The following CORO1C variants were observed in gnomAD, a reference collection of about 807,000 sequenced individuals.
The protein encoded by CORO1C is coronin-1C.
A neutral mutation model predicts 51.2 loss-of-function variants in CORO1C; 14 were observed. That is an observed-to-expected ratio of 0.27 (90% CI 0.18 to 0.43). The LOEUF is 0.43. Ranked by LOEUF, CORO1C falls within the 20% of genes least tolerant of loss-of-function variation. CORO1C has a pLI of 1.00. For synonymous variants in CORO1C, 181 were observed against 210.5 expected (o/e 0.86, Z 1.21); for missense variants, 417 against 607.8 (o/e 0.69, Z 3.30).
At chr12:108,677,710 AC>A (rs2033957001) in intron 3 of CORO1C, among the ~76,000 whole-genome samples, 1 of 152,234 alleles carries the variant, frequency 6.6e-6, no homozygotes, top group Non-Finnish European at 1.5e-5. Context: ...CCAACAGAGA[AC>A]ATGTCAACTG....
chr12:108,664,969 A>T (rs1460842936), intron 3 of CORO1C, among the ~76,000 whole-genome samples: 1 of 152,220 alleles, frequency 6.6e-6, no homozygotes. Flanking sequence ...TAGAACTGAC[A>T]GAGTGGTAAT....
At chr12:108,661,596 G>GA (rs144298863) in intron 4 of CORO1C, among the ~76,000 whole-genome samples, 8,385 of 152,138 alleles carry the variant, frequency 0.055, 637 homozygotes, top group East Asian at 0.25. Flanking sequence ...TATAGCAGGG[G>GA]AAAATCAAAG....
intron 2 of CORO1C, among the ~76,000 whole-genome samples, chr12:108,693,999 A>C (rs2034584542): frequency 6.6e-6 from 1 of 152,244 alleles, no homozygotes; most frequent in Non-Finnish European, 1.5e-5. Flanking sequence ...GAAGCTTCTT[A>C]AAAGCAAGAA....
rs144241661 is a variant in CORO1C, at chr12:108,715,139, C to T, written c.-5-13816G>A. Among the ~76,000 whole-genome samples the T allele has an allele frequency of 6.4e-3, 967 of 152,174 alleles. 6 individuals carry two copies. Among genetic ancestry groups the T allele is most frequent in the Non-Finnish European group, 1.0e-2 (679 of 67,990 alleles). On this transcript the variant is annotated intron_variant, in intron 1 of 10. Transcript: ENST00000261401. ...ATCCCAGCACTTTGGGAGGCTGAAGCAGGAAGATCCCTTGAGCCCAGGAGT... is the reference window on the plus strand; with the variant it reads ...ATCCCAGCACTTTGGGAGGCTGAAGTAGGAAGATCCCTTGAGCCCAGGAGT...
chr12:108,650,113 G>A (rs769937619), intron 8 of CORO1C, among the ~76,000 whole-genome samples: 1 of 150,618 alleles, frequency 6.6e-6, no homozygotes, highest in African/African-American at 2.4e-5. Flanking sequence ...TAAAAGGAAG[G>A]TTGTGTCAAA....
At chr12:108,680,316 C>CA (rs758591026) in intron 2 of CORO1C, among the ~76,000 whole-genome samples, 1 of 152,326 alleles carries the variant, frequency 6.6e-6, no homozygotes, top group East Asian at 1.9e-4. Flanking sequence ...GCCCTGTTTA[C>CA]AGACCTAAGG....
At chr12:108,715,377 A>T (rs1213121466) in intron 1 of CORO1C, among the ~76,000 whole-genome samples, 1 of 152,196 alleles carries the variant, frequency 6.6e-6, no homozygotes, top group Non-Finnish European at 1.5e-5. Flanking sequence ...GAAATTTTGC[A>T]GTTACTAAAA....
In CORO1C at chr12:108,654,907, T is replaced by C. The variant is rs189696329; in HGVS notation, c.751-497A>G. Among the ~76,000 whole-genome samples, 346 of 152,238 alleles carry C rather than the reference T, an allele frequency of 2.3e-3. 2 individuals are homozygous for C. The highest frequency in any genetic ancestry group is 7.8e-3 in the African/African-American group (322 of 41,544). On this transcript the variant is annotated intron_variant, in intron 6 of 10. Transcript: ENST00000261401. ...TTTTAGTAGACACAGAGTTTCACCA[T>C]GTTGGCCAGGCTGGTCTCCAACTCC...
At chr12:108,689,060 C>T (rs1240508512) in intron 2 of CORO1C, among the ~76,000 whole-genome samples, 1 of 140,318 alleles carries the variant, frequency 7.1e-6, no homozygotes, top group African/African-American at 2.7e-5. Context: ...ATTAGCCGGG[C>T]ATGGTGTTGG....
At chr12:108,673,178 A>G (rs2136826295) in intron 3 of CORO1C, among the ~76,000 whole-genome samples, 1 of 152,380 alleles carries the variant, frequency 6.6e-6, no homozygotes, top group East Asian at 1.9e-4. Flanking sequence ...TTGTGAATGC[A>G]AAAGAAAAGT....
chr12:108,714,837 C>T (rs545088515), intron 1 of CORO1C, among the ~76,000 whole-genome samples: 71 of 152,238 alleles, frequency 4.7e-4, no homozygotes, highest in African/African-American at 1.7e-3. Context: ...GAAGAGCACT[C>T]GTATATTTAC....
intron 6 of CORO1C, among the ~76,000 whole-genome samples, chr12:108,656,315 C>T (rs559758611): frequency 0.02 from 887 of 44,646 alleles, 7 homozygotes; most frequent in Non-Finnish European, 0.02. Flanking sequence ...CCCGGCCAGC[C>T]GCCCCGTCCG....
rs552377923 is a variant in CORO1C, at chr12:108,726,371, A to T, written c.-6+5058T>A. ...GAGGCAGAGCTTGCAGTGAGCTGAG[A>T]TCGTGCCACTGCACTCCAGCACTCT... On this transcript the variant is annotated intron_variant, in intron 1 of 10. Coordinates refer to ENST00000261401, the MANE Select transcript of CORO1C (RefSeq NM_014325.4). Among the ~76,000 whole-genome samples the T allele has an allele frequency of 2.6e-5, 4 of 151,320 alleles. No homozygotes were observed. In the South Asian group the frequency reaches 8.4e-4, roughly 32 times the overall value.
intron 2 of CORO1C, among the ~76,000 whole-genome samples, chr12:108,684,868 A>T (rs2034243562): frequency 6.6e-6 from 1 of 152,166 alleles, no homozygotes; most frequent in Admixed American, 6.5e-5. Context: ...TTAAATTTGC[A>T]TTAAAATTTT....
intron 1 of CORO1C, among the ~76,000 whole-genome samples, chr12:108,721,794 C>T (rs1017001606): frequency 6.6e-6 from 1 of 151,964 alleles, no homozygotes; most frequent in Non-Finnish European, 1.5e-5. Flanking sequence ...CAGCTCTGGC[C>T]ATTATAAGAT....
intron 1 of CORO1C, among the ~76,000 whole-genome samples, chr12:108,725,419 CT>C (rs1257374156): frequency 6.6e-6 from 1 of 152,174 alleles, no homozygotes; most frequent in Non-Finnish European, 1.5e-5. Flanking sequence ...TATAATTTTC[CT>C]TGCTTAATCT....
At chr12:108,673,347 G>A (rs540772739) in intron 3 of CORO1C, among the ~76,000 whole-genome samples, 1 of 152,290 alleles carries the variant, frequency 6.6e-6, no homozygotes, top group South Asian at 2.1e-4. Flanking sequence ...CAATTCCATG[G>A]AGGCTGACAG....
intron 2 of CORO1C, among the ~76,000 whole-genome samples, chr12:108,700,723 T>C (rs973139348): frequency 6.6e-6 from 1 of 152,186 alleles, no homozygotes; most frequent in African/African-American, 2.4e-5. Context: ...GAATATTATC[T>C]TACAAATTTC....
intron 1 of CORO1C, among the ~76,000 whole-genome samples, chr12:108,726,292 G>A (rs372674296): frequency 1.3e-5 from 2 of 150,992 alleles, no homozygotes; most frequent in Non-Finnish European, 3.0e-5. Flanking sequence ...AGTGGCGGGC[G>A]CCTGTAGTCC....
Sources: allele counts gnomAD v4.1 joint callset (sites outside exome capture counted in the v4.1 genomes callset), GRCh38; gene constraint gnomAD v4.1.1; transcripts MANE v1.5; gene names NCBI Gene and HGNC (gene_info 2026-07-23, HGNC 2026-07-21).